Variants in TUBGCP2 observed in about 807,000 individuals in gnomAD.
The protein encoded by TUBGCP2 is gamma-tubulin complex component 2.
TUBGCP2 carries 55 observed loss-of-function variants against 92.2 expected under a neutral mutation model. That is an observed-to-expected ratio of 0.60 (90% CI 0.48 to 0.75). The LOEUF is 0.75. Among genes scored for constraint, TUBGCP2 ranks in the 30% least tolerant of loss-of-function variants. The pLI is 0.00. For missense variants in TUBGCP2, 1,093 were observed against 1,188.9 expected (o/e 0.92, Z 1.19); for synonymous variants, 533 against 505.2 (o/e 1.06, Z -0.74).
rs1180776261 is a variant in TUBGCP2 at position 133,288,882 on chromosome 10, A to T, written c.1499T>A (p.Leu500Gln). 6.8e-6 allele frequency: 11 copies of T among 1,613,836 alleles called. No homozygotes were observed. The highest frequency in any genetic ancestry group is 9.3e-6 in the Non-Finnish European group (11 of 1,179,914). Residue 500 changes from leucine to glutamine, a missense_variant, in exon 10 of 18, where the codon CTG becomes CAG. Physicochemically the swap from Leu to Gln is moderately radical, Grantham distance 113 (BLOSUM62 -2). Transcript: ENST00000252936. ...CTCCTTCTCCTCCATCAGGAAGTCC[A>T]GCAGCACCTTGCTGGCGTAGTTAAA... Reference protein sequence around the residue: ...KAFNYASKVLLDFLMEEKELV... With the variant: ...KAFNYASKVLQDFLMEEKELV...
intron 8 of TUBGCP2, chr10:133,290,361 T>C: frequency 5.5e-6 from 1 of 180,616 alleles, no homozygotes; most frequent in South Asian, 1.2e-4. Flanking sequence ...GGCGTGGTGG[T>C]GTGCACCTGT....
intron 6 of TUBGCP2, 132 bp from the exon 7 acceptor site, chr10:133,293,370 G>A (rs1589830360): frequency 1.6e-6 from 2 of 1,242,478 alleles, no homozygotes; most frequent in East Asian, 5.0e-5. Context: ...GGGAACTTTT[G>A]CCCCAGGAGG....
upstream of TUBGCP2, chr10:133,311,851 T>A (rs151256328): frequency 6.2e-7 from 1 of 1,613,350 alleles, no homozygotes; most frequent in East Asian, 2.2e-5. Flanking sequence ...GGTCAGTGTC[T>A]GAGCTCTTTC....
In TUBGCP2 at chr10:133,302,781, G is replaced by A. The variant is rs1847703279; in HGVS notation, c.150+11C>T. 6.2e-7 allele frequency: 1 copy of A among 1,612,178 alleles called. No homozygotes were observed. The highest frequency in any genetic ancestry group is 8.5e-7 in the Non-Finnish European group (1 of 1,179,908). The stretch of plus-strand genomic sequence containing the variant: ...CACCCTGCACAGCGCTACACCAAGG[G>A]CAGTGCTCACCTTGGCACTGTGAGC... On this transcript the variant is annotated intron_variant, in intron 2 of 17. Coordinates refer to ENST00000252936, the MANE Select transcript of TUBGCP2 (RefSeq NM_006659.4).
At chr10:133,309,509 T>C (rs1008295245), upstream of TUBGCP2, 7 of 1,576,772 alleles carry the variant, frequency 4.4e-6, no homozygotes, top group South Asian at 1.1e-5. Flanking sequence ...CTGCGCCGCC[T>C]CCCTGACCGG....
Position 133,288,875 on chromosome 10 carries a change from G to A in TUBGCP2, c.1506C>T (p.Phe502=), listed in dbSNP as rs1257497352. The stretch of plus-strand genomic sequence containing the variant: ...CCACCAGCTCCTTCTCCTCCATCAG[G>A]AAGTCCAGCAGCACCTTGCTGGCGT... ...FNYASKVLLD[F]LMEEKELVAH... is the part of the protein sequence containing the mutation. Residue 502 remains phenylalanine, a synonymous_variant, in exon 10 of 18, where the codon TTC becomes TTT. Transcript: ENST00000252936. 2 of 1,613,634 alleles carry A rather than the reference G, an allele frequency of 1.2e-6. No individual in the cohort carries two copies. The highest frequency in any genetic ancestry group is 1.7e-6 in the Non-Finnish European group (2 of 1,179,758).
At chr10:133,303,306 C>G (rs1450663283) in intron 1 of TUBGCP2, among the ~76,000 whole-genome samples, 1 of 152,256 alleles carries the variant, frequency 6.6e-6, no homozygotes, top group Non-Finnish European at 1.5e-5. Context: ...CCCCGACACC[C>G]CAGCAGCCTC....
intron 8 of TUBGCP2, 142 bp from the exon 9 acceptor site, chr10:133,290,111 T>C (rs1165905453): frequency 2.0e-5 from 24 of 1,202,390 alleles, no homozygotes; most frequent in Non-Finnish European, 2.8e-5. Context: ...CCGAGCCTAA[T>C]CTACCAGTTA....
chr10:133,285,564 T>G lies in TUBGCP2; in HGVS notation c.1787A>C (p.Gln596Pro). The G allele has an allele frequency of 6.4e-7, 1 of 1,568,646 alleles. No homozygotes were observed. Among genetic ancestry groups the G allele is most frequent in the Non-Finnish European group, 8.7e-7 (1 of 1,154,408 alleles). ...GTCGGCGTGCGCCATCGCCTTCTCC[T>G]GCTTGGTCTCGATGGCCAGGACGCG... The part of the protein sequence containing the change: ...LLRVLAIETK[Q>P]EKAMAHADPT... Residue 596 changes from glutamine (Q) to proline (P), a missense_variant, in exon 12 of 18, where the codon CAG (glutamine) becomes CCG (proline). Gln to Pro is a moderately conservative substitution (Grantham distance 76). Transcript: ENST00000252936. This position sits in a 1 kb window ranked among gnomAD's most constrained non-coding sequence, Gnocchi z 6.8.
chr10:133,312,149 C>G (rs2136155602), upstream of TUBGCP2: 4 of 1,435,744 alleles, frequency 2.8e-6, 1 homozygote, highest in South Asian at 6.0e-5. Flanking sequence ...ACCCAGGCGT[C>G]TGCCTTAATA....
upstream of TUBGCP2, chr10:133,309,590 A>C (rs1847939553): frequency 7.7e-7 from 1 of 1,295,282 alleles, no homozygotes; most frequent in South Asian, 1.3e-5. Context: ...GTGCCTGTCC[A>C]GCTTTGGCGT....
Position 133,308,864 on chromosome 10 carries a change from G to C in TUBGCP2, c.-81C>G. On this transcript the variant is annotated 5_prime_UTR_variant, in exon 1 of 18. Transcript: ENST00000252936. ...CAGCCCCCGCGCAGCCCCCGACGGC[G>C]GCGGAAGTGAGCGTGACGTCACGTC... is the stretch of plus-strand genomic sequence containing the variant. The C allele has an allele frequency of 1.7e-6, 2 of 1,164,638 alleles. No homozygotes were observed. Among genetic ancestry groups the C allele is most frequent in the Non-Finnish European group, 2.1e-6 (2 of 935,776 alleles). The allele number at this position is 1,164,638 out of a possible 1,614,324, so 72.1% of individuals were successfully genotyped here.
At chr10:133,308,952 GC>G (rs1047623525), upstream of TUBGCP2, 51 of 1,233,704 alleles carry the variant, frequency 4.1e-5, no homozygotes, top group South Asian at 2.8e-4. Context: ...TGATGCAGTT[GC>G]CCCCCGCGCT....
upstream of TUBGCP2, chr10:133,312,162 A>ATCACCTGTGCCATCTGCGTTTCTAGCG: frequency 1.5e-6 from 2 of 1,335,908 alleles, no homozygotes; most frequent in Non-Finnish European, 2.0e-6. Flanking sequence ...CCTTAATAGC[A>ATCACCTGTGCCATCTGCGTTTCTAGCG]TCACCTGTGC....
At chr10:133,284,858 G>A (rs1025424195) in intron 13 of TUBGCP2, among the ~76,000 whole-genome samples, 6 of 152,256 alleles carry the variant, frequency 3.9e-5, no homozygotes, top group African/African-American at 1.4e-4. Flanking sequence ...GAGGGACAGA[G>A]CCAGCATCCC....
rs1467004335 is a variant in TUBGCP2, at chr10:133,288,237, C to T, written c.1614G>A (p.Glu538=). The T allele has an allele frequency of 6.2e-7, 1 of 1,613,686 alleles. No homozygotes were observed. Among genetic ancestry groups the T allele is most frequent in the Non-Finnish European group, 8.5e-7 (1 of 1,179,978 alleles). Residue 538 remains glutamate, a synonymous_variant, in exon 11 of 18, where the codon GAG becomes GAA. Transcript: ENST00000252936. ...TGATGTCCTCCACCGGCTTCCGGAG[C>T]TCCTCCTCCGCGAGGTCCATGAAGT... ...FVHFMDLAEE[E]LRKPVEDITP... is the part of the protein sequence containing the mutation.
chr10:133,299,689 G>C, intron 3 of TUBGCP2, 86 bp from the exon 4 acceptor site: 2 of 1,211,164 alleles, frequency 1.7e-6, no homozygotes, highest in Middle Eastern at 2.1e-4. Flanking sequence ...CACCAGGACG[G>C]CTCCCCAACC....
chr10:133,292,966 T>C, intron 7 of TUBGCP2, 73 bp downstream of exon 7: 1 of 1,531,504 alleles, frequency 6.5e-7, no homozygotes, highest in Non-Finnish European at 8.9e-7. Context: ...CTGCAGAGTC[T>C]CTCCTCACAC....
At chr10:133,308,139 T>A (rs1847872471) in intron 1 of TUBGCP2, among the ~76,000 whole-genome samples, 1 of 152,182 alleles carries the variant, frequency 6.6e-6, no homozygotes, top group African/African-American at 2.4e-5. Context: ...ACTGGGCCCA[T>A]TCTCTGCAGT....
Sources: gnomAD v4.1 joint callset for allele counts (sites outside exome capture counted in the v4.1 genomes callset) on GRCh38, gnomAD v4.1.1 for gene constraint, Gnocchi (gnomAD v3.1) non-coding constraint, MANE v1.5 for transcripts, NCBI Gene and HGNC (gene_info 2026-07-23, HGNC 2026-07-21) for gene names.